The following ZC3H12B variants were observed in gnomAD, a reference collection of about 807,000 sequenced individuals.
ZC3H12B encodes the protein zinc finger CCCH-type containing 12B, also known as probable ribonuclease ZC3H12B.
ZC3H12B carries 7 observed loss-of-function variants against 43.9 expected under a neutral mutation model. The ratio of observed to expected loss-of-function variants is 0.16; its 90% CI spans 0.09 to 0.30. The LOEUF (loss-of-function observed/expected upper bound fraction) is 0.30, where lower values mean the gene tolerates loss of function less well. Among genes scored for constraint, ZC3H12B ranks in the 10% least tolerant of loss-of-function variants. The pLI, the probability that ZC3H12B is intolerant of heterozygous loss-of-function variation, is 1.00. For missense variants in ZC3H12B, 475 were observed against 670.2 expected (o/e 0.71, Z 3.22); for synonymous variants, 222 against 241.7 (o/e 0.92, Z 0.76).
intron 3 of ZC3H12B, among the ~76,000 whole-genome samples, chrX:65,413,312 A>T (rs1011287096): frequency 1.8e-5 from 2 of 111,414 alleles, no homozygotes; most frequent in African/African-American, 6.5e-5. Flanking sequence ...GTAAGGTCTA[A>T]TTTATTTTTT....
At chrX:65,363,560 G>A (rs781360593), upstream of ZC3H12B, among the ~76,000 whole-genome samples, 21 of 111,565 alleles carry the variant, frequency 1.9e-4, no homozygotes, top group East Asian at 8.5e-4. Context: ...TCCTGTTTCC[G>A]TTCCTTGAAG....
At chrX:65,480,454 GC>G (rs1160474619) in intron 3 of ZC3H12B, among the ~76,000 whole-genome samples, 2 of 112,255 alleles carry the variant, frequency 1.8e-5, no homozygotes, top group Non-Finnish European at 3.8e-5. Context: ...TTGAGTAAAA[GC>G]CAGGGCTATG....
At chrX:65,214,898 C>T in the ZC3H12B span, among the ~76,000 whole-genome samples, 4 of 111,443 alleles carry the variant, frequency 3.6e-5, no homozygotes, top group African/African-American at 1.3e-4. Context: ...TCATGAGTTG[C>T]AGAATGGATG....
At chrX:65,200,214 G>T in the ZC3H12B span, among the ~76,000 whole-genome samples, 2 of 110,832 alleles carry the variant, frequency 1.8e-5, no homozygotes, top group South Asian at 3.8e-4. Context: ...TGATGTTGAG[G>T]TTCTTTTCCA....
the ZC3H12B span, among the ~76,000 whole-genome samples, chrX:65,168,993 A>G: frequency 9.0e-6 from 1 of 110,710 alleles, no homozygotes. Context: ...CAAATCCTGG[A>G]GTCATTGATT....
rs1269814596 is a variant in ZC3H12B, at chrX:65,371,151, G to GA, written n.295+2160dup. Among the ~76,000 whole-genome samples the GA allele has an allele frequency of 4.5e-5, 5 of 110,685 alleles. No individual in the cohort carries two copies. The South Asian group carries it at 1.1e-3, about 25-fold the overall frequency. ...CTATTTTATACCTCAAAAGGAAAAAGAAAAAAATGCACAAATTATTTCTCT... is the reference window on the plus strand; with the variant it reads ...CTATTTTATACCTCAAAAGGAAAAAGAAAAAAAATGCACAAATTATTTCTCT... On this transcript the variant is annotated intron_variant and non_coding_transcript_variant, in intron 2 of 5. Transcript: ENST00000617377.
intron 2 of ZC3H12B, among the ~76,000 whole-genome samples, chrX:65,371,073 C>T (rs1289157809): frequency 2.7e-5 from 3 of 111,137 alleles, no homozygotes; most frequent in Admixed American, 9.6e-5. Flanking sequence ...TTCTAATATC[C>T]TATTCTTAAT....
intron 3 of ZC3H12B, among the ~76,000 whole-genome samples, chrX:65,450,748 C>T (rs1417529009): frequency 5.0e-5 from 2 of 39,692 alleles, no homozygotes; most frequent in Admixed American, 3.2e-4. Context: ...TATATATATA[C>T]ATATGTGTAT....
chrX:65,338,162 A>T, the ZC3H12B span, among the ~76,000 whole-genome samples: 1 of 111,200 alleles, frequency 9.0e-6, no homozygotes, highest in Admixed American at 9.6e-5. Flanking sequence ...TTCTTGTAGC[A>T]GGTATTATTC....
chrX:65,466,930 ATAT>A (rs2067829245), intron 3 of ZC3H12B, among the ~76,000 whole-genome samples: 1 of 37,901 alleles, frequency 2.6e-5, no homozygotes, highest in African/African-American at 1.6e-4. Context: ...ATATATATAT[ATAT>A]ATATATATAT....
At chrX:65,329,348 T>C in the ZC3H12B span, among the ~76,000 whole-genome samples, 1 of 111,372 alleles carries the variant, frequency 9.0e-6, no homozygotes, top group Admixed American at 9.4e-5. Flanking sequence ...AAATGTCTTC[T>C]TTTGAGAAGT....
the ZC3H12B span, among the ~76,000 whole-genome samples, chrX:65,339,547 T>C: frequency 8.9e-6 from 1 of 111,993 alleles, no homozygotes; most frequent in African/African-American, 3.2e-5. Flanking sequence ...GCATGGCCAG[T>C]GATGCCTATC....
the ZC3H12B span, among the ~76,000 whole-genome samples, chrX:65,263,016 G>A: frequency 1.8e-5 from 2 of 110,600 alleles, no homozygotes; most frequent in Non-Finnish European, 3.8e-5. Context: ...CTGAGTTCAC[G>A]TCCTAGAGCT....
the ZC3H12B span, among the ~76,000 whole-genome samples, chrX:65,310,325 G>A: frequency 6.8e-3 from 757 of 111,524 alleles, 9 homozygotes; most frequent in African/African-American, 0.023. Flanking sequence ...AAATCAATGT[G>A]CAAAAATCAC....
chrX:65,350,519 A>C, the ZC3H12B span, among the ~76,000 whole-genome samples: 1 of 111,795 alleles, frequency 8.9e-6, no homozygotes. Flanking sequence ...TTGAAATAGG[A>C]AGAGAGGAAG....
At chrX:65,448,963 G>GAAAGAAAGAAAGAA (rs1569412179) in intron 3 of ZC3H12B, among the ~76,000 whole-genome samples, 1 of 83,283 alleles carries the variant, frequency 1.2e-5, no homozygotes, top group Non-Finnish European at 2.1e-5. Flanking sequence ...GAAAAAGAAA[G>GAAAGAAAGAAAGAA]AAAGAAAGAA....
chrX:65,388,532 C>T (rs187595152), intron 2 of ZC3H12B, among the ~76,000 whole-genome samples: 9 of 111,184 alleles, frequency 8.1e-5, no homozygotes, highest in East Asian at 5.6e-4. Flanking sequence ...TATTCTAGTT[C>T]GCCATTTGTC....
the ZC3H12B span, among the ~76,000 whole-genome samples, chrX:65,224,327 G>C: frequency 1.8e-5 from 2 of 112,664 alleles, no homozygotes; most frequent in African/African-American, 6.4e-5. Context: ...AAAAAACTAT[G>C]AGTTGGGTAC....
the ZC3H12B span, among the ~76,000 whole-genome samples, chrX:65,295,662 A>G: frequency 2.7e-5 from 3 of 112,023 alleles, no homozygotes; most frequent in Non-Finnish European, 3.8e-5. Flanking sequence ...TATTAGTGAT[A>G]TTAACTAAGA....
Sources: allele counts gnomAD v4.1 joint callset (sites outside exome capture counted in the v4.1 genomes callset), GRCh38; gene constraint gnomAD v4.1.1; transcripts MANE v1.5; gene names NCBI Gene and HGNC (gene_info 2026-07-23, HGNC 2026-07-21).